DOCK5: variants seen among roughly 807,000 people sequenced by gnomAD.
The protein encoded by DOCK5 is dedicator of cytokinesis 5, also known as dedicator of cytokinesis protein 5.
In DOCK5, 142 loss-of-function variants were observed where a neutral mutation model predicts 251.8. The ratio of observed to expected loss-of-function variants is 0.56; its 90% CI spans 0.49 to 0.65. The LOEUF (loss-of-function observed/expected upper bound fraction) is 0.65, where lower values mean the gene tolerates loss of function less well. DOCK5 is among the 30% of genes least tolerant of loss of function. DOCK5 has a pLI of 0.00. For missense variants in DOCK5, 2,111 were observed against 2,312.3 expected (o/e 0.91, Z 1.79); for synonymous variants, 842 against 835.5 (o/e 1.01, Z -0.13).
chr8:25,227,172 T>C (rs1193740588), intron 1 of DOCK5, among the ~76,000 whole-genome samples: 1 of 152,188 alleles, frequency 6.6e-6, no homozygotes, highest in African/African-American at 2.4e-5. Flanking sequence ...TTTCAAAAAG[T>C]CCAGAGCAGC....
intron 2 of DOCK5, among the ~76,000 whole-genome samples, chr8:25,263,432 A>C (rs968711325): frequency 6.6e-6 from 1 of 151,918 alleles, no homozygotes; most frequent in Non-Finnish European, 1.5e-5. Context: ...GATACCTTCA[A>C]TCCCAATCCG....
At chr8:25,246,704 TTGTGTGTGTGTGTG>T (rs55963570) in intron 2 of DOCK5, among the ~76,000 whole-genome samples, 2,310 of 89,562 alleles carry the variant, frequency 0.026, 93 homozygotes, top group African/African-American at 0.081. Flanking sequence ...CCATGTTAGT[TTGTGTGTGTGTGTG>T]TGTGTGTGTG....
At position 25,366,951 on chromosome 8, in the gene DOCK5, C is replaced by G. The variant is rs190638874; in HGVS notation, c.3205C>G (p.Arg1069Gly). Residue 1069 changes from arginine to glycine, a missense_variant, in exon 31 of 52, where the codon CGC becomes GGC. Arg to Gly is a moderately radical substitution (Grantham distance 125, BLOSUM62 -2). This residue lies in a region of DOCK5 where 1,717 missense variants were observed against 1,892.4 expected (regional missense o/e 0.91). Transcript: ENST00000276440. ...GCTTGAAACCTTCTCACAAGCCAAG[C>G]GCAACAAAATTGTTAAAAAGTAAGT... is the stretch of plus-strand genomic sequence containing the variant. ...LQLETFSQAKRNKIVKKYGDM... is the reference protein window; with the variant it reads ...LQLETFSQAKGNKIVKKYGDM... 5 of 1,613,538 alleles carry G rather than the reference C, an allele frequency of 3.1e-6. No individual in the cohort carries two copies. Among genetic ancestry groups the G allele is most frequent in the African/African-American group, 1.3e-5 (1 of 74,906 alleles).
intron 1 of DOCK5, among the ~76,000 whole-genome samples, chr8:25,196,676 T>C (rs571725288): frequency 6.4e-4 from 98 of 152,340 alleles, no homozygotes; most frequent in African/African-American, 2.3e-3. Flanking sequence ...GGGGCTTGAA[T>C]GTAAGGAATC....
intron 47 of DOCK5, among the ~76,000 whole-genome samples, chr8:25,402,480 T>C (rs1801455677): frequency 6.6e-6 from 1 of 152,134 alleles, no homozygotes; most frequent in Admixed American, 6.5e-5. Flanking sequence ...GCATTTTTAG[T>C]AGAGACGAGG....
chr8:25,288,994 T>C (rs542322479), intron 5 of DOCK5, among the ~76,000 whole-genome samples: 1 of 152,354 alleles, frequency 6.6e-6, no homozygotes, highest in East Asian at 1.9e-4. Flanking sequence ...TAACAGAGCA[T>C]ATTGCAATCA....
Position 25,341,791 on chromosome 8 carries a change from T to A in DOCK5, c.2492T>A (p.Phe831Tyr). 3.2e-6 allele frequency: 5 copies of A among 1,570,826 alleles called. No individual in the cohort carries two copies. The highest frequency in any genetic ancestry group is 4.3e-6 in the Non-Finnish European group (5 of 1,156,138). Residue 831 changes from phenylalanine (F) to tyrosine (Y), a missense_variant, in exon 24 of 52, where the codon TTT becomes TAT. Physicochemically the swap from Phe to Tyr is conservative, Grantham distance 22. This residue lies in a region of DOCK5 where 1,717 missense variants were observed against 1,892.4 expected (regional missense o/e 0.91). Transcript: ENST00000276440. ...PSIINDVKLV[F>Y]DPVELSVLFC... ...ATAATTAATGATGTCAAACTTGTAT[T>A]TGATCCTGTTGAGCTCAGGTAAATA...
intron 1 of DOCK5, among the ~76,000 whole-genome samples, chr8:25,230,512 C>G (rs1802642589): frequency 6.6e-6 from 1 of 152,070 alleles, no homozygotes; most frequent in East Asian, 1.9e-4. Flanking sequence ...AAATATCTGT[C>G]TAACTGGTTT....
At chr8:25,301,939 C>T (rs1482175103) in intron 9 of DOCK5, among the ~76,000 whole-genome samples, 1 of 152,118 alleles carries the variant, frequency 6.6e-6, no homozygotes, top group Non-Finnish European at 1.5e-5. Flanking sequence ...GTCAGTGTTA[C>T]ACAAGTTTTT....
intron 1 of DOCK5, among the ~76,000 whole-genome samples, chr8:25,226,669 T>C (rs1434720634): frequency 6.6e-6 from 1 of 151,366 alleles, no homozygotes; most frequent in Non-Finnish European, 1.5e-5. Context: ...CCCTGCAAGC[T>C]CCGCCTCCTG....
In DOCK5 at chr8:25,391,940, C is replaced by T. The variant is rs772062014; in HGVS notation, c.4400C>T (p.Pro1467Leu). 1.9e-5 allele frequency: 30 copies of T among 1,613,748 alleles called. No individual in the cohort carries two copies. Among genetic ancestry groups the T allele is most frequent in the Non-Finnish European group, 2.4e-5 (28 of 1,179,858 alleles). Residue 1467 changes from proline (P) to leucine (L), a missense_variant, in exon 43 of 52, where the codon CCG (proline) becomes CTG (leucine). This residue lies in a region of DOCK5 where 1,717 missense variants were observed against 1,892.4 expected (regional missense o/e 0.91). Transcript: ENST00000276440. Reference sequence around the variant, plus strand: ...GTGCAGCAGTTCAGATACTCCCGGCCGTTCCGGAAAGGAGAAAAGGATCCA... The same window carrying T: ...GTGCAGCAGTTCAGATACTCCCGGCTGTTCCGGAAAGGAGAAAAGGATCCA... The part of the protein sequence containing the change: ...NEVQQFRYSR[P>L]FRKGEKDPDN...
chr8:25,382,445 T>TCAGCATACACCCTC (rs1011982946), intron 39 of DOCK5, among the ~76,000 whole-genome samples: 9 of 152,314 alleles, frequency 5.9e-5, no homozygotes, highest in African/African-American at 2.2e-4. Flanking sequence ...TGCACACACT[T>TCAGCATACACCCTC]CAGCATACAC....
intron 1 of DOCK5, among the ~76,000 whole-genome samples, chr8:25,223,455 C>T (rs1466254555): frequency 6.6e-6 from 1 of 152,178 alleles, no homozygotes; most frequent in Non-Finnish European, 1.5e-5. Context: ...TCTGGGACTA[C>T]AGGCGTGGGC....
intron 8 of DOCK5, 27 bp downstream of exon 8, chr8:25,299,128 C>T (rs766540893): frequency 5.6e-6 from 9 of 1,607,762 alleles, no homozygotes; most frequent in Non-Finnish European, 2.5e-6. Context: ...TCCCCTGCTG[C>T]TGACCTAACA....
At chr8:25,266,308 T>C (rs562256847) in intron 2 of DOCK5, among the ~76,000 whole-genome samples, 17 of 151,538 alleles carry the variant, frequency 1.1e-4, no homozygotes, top group Non-Finnish European at 2.1e-4. Context: ...CTCCGCCTCC[T>C]GGGTTCACCC....
rs759384346 is a variant in DOCK5 at position 25,374,595 on chromosome 8, G to A, written c.3757G>A (p.Asp1253Asn). Residue 1253 changes from aspartate (D) to asparagine (N), a missense_variant, in exon 37 of 52, where the codon GAC becomes AAC. Around this residue, in one of 3 missense-constraint regions of DOCK5, gnomAD observed 1,717 missense variants for 1,892.4 expected, o/e 0.91. Coordinates refer to ENST00000276440, the MANE Select transcript of DOCK5 (RefSeq NM_024940.8). Reference sequence around the variant, plus strand: ...GTACAAGCTTCGAGATTTGCACCGAGACTGTGAGAACTACACAGAAGCTGC... The same window carrying A: ...GTACAAGCTTCGAGATTTGCACCGAAACTGTGAGAACTACACAGAAGCTGC... Reference protein sequence around the residue: ...YLYKLRDLHRDCENYTEAAYT... With the variant: ...YLYKLRDLHRNCENYTEAAYT... 9.3e-6 allele frequency: 15 copies of A among 1,612,186 alleles called. No homozygotes were observed. The highest frequency in any genetic ancestry group is 1.2e-5 in the Non-Finnish European group (14 of 1,179,542).
chr8:25,300,366 C>G (rs1168318415), intron 8 of DOCK5, among the ~76,000 whole-genome samples: 2 of 152,210 alleles, frequency 1.3e-5, no homozygotes, highest in African/African-American at 4.8e-5. Context: ...TGCGGAGCCA[C>G]AGCAGGGACG....
rs772258161 is a variant in DOCK5 at position 25,330,969 on chromosome 8, T to G, written c.1904-1282T>G. Among the ~76,000 whole-genome samples the G allele has an allele frequency of 2.0e-5, 3 of 151,852 alleles. 1 individual carries two copies. The highest frequency in any genetic ancestry group is 2.0e-4 in the Admixed American group (3 of 15,232). On this transcript the variant is annotated intron_variant, in intron 18 of 51. Transcript: ENST00000276440. The stretch of plus-strand genomic sequence containing the variant: ...GGTGCACCTGTAGTCCCAGCTACTC[T>G]GGAGGCTGAGGTGGGAGGAATGCTT...
At chr8:25,407,931 G>A (rs549951014) in intron 48 of DOCK5, 52 bp from the exon 49 acceptor site, 2 of 1,496,740 alleles carry the variant, frequency 1.3e-6, no homozygotes, top group Non-Finnish European at 1.8e-6. Flanking sequence ...AGTGAATTTT[G>A]ATTGCAAGGT....
Sources: gnomAD v4.1 joint callset for allele counts (sites outside exome capture counted in the v4.1 genomes callset) on GRCh38, gnomAD v4.1.1 for gene constraint, gnomAD v4.1.1 regional missense constraint, MANE v1.5 for transcripts, NCBI Gene and HGNC (gene_info 2026-07-23, HGNC 2026-07-21) for gene names.